KCNJ16: variants seen among roughly 807,000 people sequenced by gnomAD.
KCNJ16 encodes the protein inward rectifier potassium channel 16.
Under a neutral mutation model 18.5 loss-of-function variants are expected in KCNJ16, and 15 were observed. That is an observed-to-expected ratio of 0.81 (90% confidence interval 0.54 to 1.25). The LOEUF is 1.25. Ranked by LOEUF, KCNJ16 falls within the 50% of genes most tolerant of loss-of-function variation. The pLI is 0.00. For synonymous variants in KCNJ16, 174 were observed against 186.5 expected (o/e 0.93, Z 0.55); for missense variants, 523 against 525.7 (o/e 0.99, Z 0.05).
At chr17:70,122,176 C>G (rs1028724491) in intron 2 of KCNJ16, among the ~76,000 whole-genome samples, 1 of 144,560 alleles carries the variant, frequency 6.9e-6, no homozygotes, top group Non-Finnish European at 1.5e-5. Context: ...ATATCGGATA[C>G]TTTTTTTTTT....
At chr17:70,130,726 T>C (rs1392405839) in intron 2 of KCNJ16, among the ~76,000 whole-genome samples, 153 bp from the exon 3 acceptor site, 1 of 152,238 alleles carries the variant, frequency 6.6e-6, no homozygotes, top group East Asian at 1.9e-4. Flanking sequence ...TACTGCATTT[T>C]CTATGTAATA....
chr17:70,077,769 G>A (rs937947760), intron 1 of KCNJ16, among the ~76,000 whole-genome samples: 9 of 151,374 alleles, frequency 5.9e-5, no homozygotes, highest in Admixed American at 2.6e-4. Context: ...GGAAACCATG[G>A]TAATAAGGGC....
At chr17:70,125,835 G>A (rs528962474) in intron 2 of KCNJ16, among the ~76,000 whole-genome samples, 1 of 152,184 alleles carries the variant, frequency 6.6e-6, no homozygotes, top group African/African-American at 2.4e-5. Context: ...GGGAGGCTGA[G>A]GCAGGAGAAT....
intron 2 of KCNJ16, among the ~76,000 whole-genome samples, chr17:70,124,365 A>T (rs912442644): frequency 6.6e-6 from 1 of 152,186 alleles, no homozygotes; most frequent in Non-Finnish European, 1.5e-5. Context: ...GTAAACTGCA[A>T]TTCTGTTTTC....
chr17:70,099,811 C>G (rs1242169892), intron 1 of KCNJ16, among the ~76,000 whole-genome samples: 1 of 152,172 alleles, frequency 6.6e-6, no homozygotes, highest in African/African-American at 2.4e-5. Flanking sequence ...TTAAGCCTCA[C>G]TGTTAAGTTT....
chr17:70,124,840 A>G (rs1371781612), intron 2 of KCNJ16, among the ~76,000 whole-genome samples: 1 of 152,158 alleles, frequency 6.6e-6, no homozygotes, highest in Non-Finnish European at 1.5e-5. Flanking sequence ...AGTAATACAT[A>G]GCAAAGGAGT....
chr17:70,093,365 C>T (rs2072210787), intron 1 of KCNJ16, among the ~76,000 whole-genome samples: 2 of 152,140 alleles, frequency 1.3e-5, no homozygotes, highest in Admixed American at 1.3e-4. Flanking sequence ...CTGCTAGCCC[C>T]GGGCTTTCCT....
chr17:70,123,967 G>A (rs558781573), intron 2 of KCNJ16, among the ~76,000 whole-genome samples: 21 of 152,334 alleles, frequency 1.4e-4, no homozygotes, highest in South Asian at 6.2e-4. Flanking sequence ...ATGCAGATGC[G>A]TTCCTGTAAT....
chr17:70,113,056 C>G (rs1055656022), intron 2 of KCNJ16, among the ~76,000 whole-genome samples: 1 of 152,106 alleles, frequency 6.6e-6, no homozygotes, highest in African/African-American at 2.4e-5. Context: ...TTCAAGGGAA[C>G]AAAAAATCAG....
chr17:70,094,436 T>C (rs1187839842), intron 1 of KCNJ16, among the ~76,000 whole-genome samples: 2 of 152,162 alleles, frequency 1.3e-5, no homozygotes, highest in Non-Finnish European at 2.9e-5. Context: ...AAGAAAACAG[T>C]AGTAAGTGTT....
chr17:70,131,883 G>A, intron 3 of KCNJ16, 112 bp from the exon 4 acceptor site: 2 of 906,968 alleles, frequency 2.2e-6, no homozygotes, highest in East Asian at 5.3e-5. Flanking sequence ...CTAATGTTCA[G>A]ATGAAGTCGT....
intron 2 of KCNJ16, among the ~76,000 whole-genome samples, chr17:70,113,347 C>T (rs1290663141): frequency 2.0e-5 from 3 of 152,180 alleles, no homozygotes; most frequent in South Asian, 2.1e-4. Flanking sequence ...AAGAGCTGTA[C>T]TGACAGCAGG....
chr17:70,097,753 T>C (rs1220842892), intron 1 of KCNJ16, among the ~76,000 whole-genome samples: 1 of 152,130 alleles, frequency 6.6e-6, no homozygotes, highest in Non-Finnish European at 1.5e-5. Context: ...GTATCCACTC[T>C]TTCCTTGCAA....
chr17:70,127,077 T>C lies in KCNJ16; in HGVS notation c.-190-3802T>C, dbSNP rs559907429. ...TATAGTAAACTGGCACAAGGTTTTC[T>C]TAAATTGATTCAGGAGGATAAATTG... On this transcript the variant is annotated intron_variant, in intron 2 of 3. Transcript: ENST00000392671. Among the ~76,000 whole-genome samples the C allele has an allele frequency of 6.6e-5, 10 of 152,324 alleles. No individual in the cohort carries two copies. The South Asian group carries it at 1.9e-3, about 28-fold the overall frequency.
chr17:70,114,826 G>A (rs890193400), intron 2 of KCNJ16, among the ~76,000 whole-genome samples: 16 of 152,216 alleles, frequency 1.1e-4, no homozygotes, highest in African/African-American at 3.9e-4. Flanking sequence ...CTTGAAAGAT[G>A]ATATTAATCT....
At chr17:70,105,229 A>G (rs762115442) in intron 2 of KCNJ16, among the ~76,000 whole-genome samples, 5 of 152,216 alleles carry the variant, frequency 3.3e-5, no homozygotes, top group Non-Finnish European at 5.9e-5. Flanking sequence ...GGCATGCTCT[A>G]TGGCTGGGAA....
chr17:70,105,439 C>T (rs1223102583), intron 2 of KCNJ16, among the ~76,000 whole-genome samples: 1 of 152,152 alleles, frequency 6.6e-6, no homozygotes, highest in East Asian at 1.9e-4. Flanking sequence ...CTGTGGAAAA[C>T]AGTCATTCAT....
intron 1 of KCNJ16, 55 bp from the exon 2 acceptor site, chr17:70,100,594 TACAAATATG>T (rs1288894886): frequency 6.6e-6 from 1 of 152,230 alleles, no homozygotes; most frequent in Non-Finnish European, 1.5e-5. Context: ...TTAAGTGCTT[TACAAATATG>T]AATTCATTTA....
chr17:70,083,824 T>TTG (rs1238663710), intron 1 of KCNJ16, among the ~76,000 whole-genome samples: 1 of 152,112 alleles, frequency 6.6e-6, no homozygotes, highest in Non-Finnish European at 1.5e-5. Flanking sequence ...GAGTCTAAAG[T>TTG]TGTAGGGCAG....
Sources: gnomAD v4.1 joint callset for allele counts (sites outside exome capture counted in the v4.1 genomes callset) on GRCh38, gnomAD v4.1.1 for gene constraint, MANE v1.5 for transcripts, NCBI Gene and HGNC (gene_info 2026-07-23, HGNC 2026-07-21) for gene names.